The following BABAM2 variants were observed in gnomAD, a reference collection of about 807,000 sequenced individuals.
The protein encoded by BABAM2 is BRISC and BRCA1-A complex member 2.
In BABAM2, 31 loss-of-function variants were observed where a neutral mutation model predicts 54.7. That is an observed-to-expected ratio of 0.57 (90% CI 0.43 to 0.77). The LOEUF is 0.77. Ranked by LOEUF, BABAM2 falls within the 30% of genes least tolerant of loss-of-function variation. The probability of loss-of-function intolerance (pLI) is 0.00; values close to 1 mark genes in which losing one functional copy is unlikely to be tolerated. For missense variants in BABAM2, 364 were observed against 455.8 expected, an observed-to-expected ratio of 0.80 and a Z score of 1.83; for synonymous variants, 167 against 162.9, an observed-to-expected ratio of 1.03 and a Z score of -0.19.
At chr2:28,298,544 T>C in intron 11 of BABAM2, 53 bp downstream of exon 11, 1 of 1,605,192 alleles carries the variant, frequency 6.2e-7, no homozygotes, top group Non-Finnish European at 8.5e-7. Flanking sequence ...GTTTATCTAG[T>C]CCAGGGGTTG....
upstream of BABAM2, chr2:27,890,571 G>A (rs994972531): frequency 1.9e-5 from 10 of 518,788 alleles, no homozygotes; most frequent in Non-Finnish European, 3.1e-5. The surrounding 1 kb of genome is among the most constrained non-coding windows in gnomAD (Gnocchi z 4.8). Flanking sequence ...CTGATATGGC[G>A]AGACTCCGCG....
At chr2:27,921,281 C>T (rs1050565898) in intron 2 of BABAM2, among the ~76,000 whole-genome samples, 1 of 152,066 alleles carries the variant, frequency 6.6e-6, no homozygotes, top group Non-Finnish European at 1.5e-5. Flanking sequence ...ATTTTCTTTT[C>T]ATTAGAACGC....
At chr2:28,282,190 T>C (rs1413724265) in intron 10 of BABAM2, among the ~76,000 whole-genome samples, 1 of 152,128 alleles carries the variant, frequency 6.6e-6, no homozygotes, top group Non-Finnish European at 1.5e-5. Context: ...CCCGTAGATA[T>C]AACCGTAAGA....
chr2:28,137,149 A>ATTTT (rs1169085546), intron 7 of BABAM2, among the ~76,000 whole-genome samples: 28 of 152,240 alleles, frequency 1.8e-4, no homozygotes, highest in Non-Finnish European at 3.7e-4. Context: ...CTCAAAAAAG[A>ATTTT]GACCTTCCAG....
chr2:28,008,737 T>A (rs951376799), intron 4 of BABAM2, among the ~76,000 whole-genome samples: 2 of 152,080 alleles, frequency 1.3e-5, no homozygotes, highest in Non-Finnish European at 2.9e-5. Context: ...ACCAGTGACA[T>A]TAAATTGGGG....
chr2:28,042,605 T>G (rs1677193511), intron 5 of BABAM2, among the ~76,000 whole-genome samples: 1 of 151,508 alleles, frequency 6.6e-6, no homozygotes, highest in African/African-American at 2.4e-5. Flanking sequence ...TTTGGTGGAG[T>G]GGTGGTAGGG....
At chr2:27,915,496 A>G (rs889614655) in intron 2 of BABAM2, among the ~76,000 whole-genome samples, 2 of 126,574 alleles carry the variant, frequency 1.6e-5, no homozygotes, top group Non-Finnish European at 3.3e-5. Context: ...TAGAATTTAT[A>G]GTGTATAACA....
At position 28,055,524 on chromosome 2, in the gene BABAM2, T is replaced by G. The variant is rs1226194907; in HGVS notation, c.570+9725T>G. On this transcript the variant is annotated intron_variant, in intron 6 of 11. Transcript: ENST00000379624. Reference sequence around the variant, plus strand: ...TTATGTAGAATTCAAAACTTAAATTTTTACTTGCCTTAAGTTTCCAAATAT... The same window carrying G: ...TTATGTAGAATTCAAAACTTAAATTGTTACTTGCCTTAAGTTTCCAAATAT... Among the ~76,000 whole-genome samples the G allele has an allele frequency of 2.0e-5, 3 of 152,368 alleles. No individual in the cohort carries two copies. In the South Asian group the frequency reaches 6.2e-4, roughly 32 times the overall value.
chr2:28,094,660 A>G (rs187943252), intron 6 of BABAM2, among the ~76,000 whole-genome samples: 345 of 152,202 alleles, frequency 2.3e-3, no homozygotes, highest in African/African-American at 7.9e-3. Flanking sequence ...ATATACATTG[A>G]AAAAAATCTC....
rs553251440 is a variant in BABAM2, at chr2:28,291,359, G to A, written c.935-6979G>A. The stretch of plus-strand genomic sequence containing the variant: ...TATAATCCCAGCACTTTGGGAGGCC[G>A]AGGTGGATGGATCACCTGAGGTCAG... On this transcript the variant is annotated intron_variant, in intron 10 of 11. Transcript: ENST00000379624. Among the ~76,000 whole-genome samples the A allele has an allele frequency of 2.7e-4, 41 of 152,286 alleles. No individual in the cohort carries two copies. The South Asian group carries it at 7.0e-3, about 26-fold the overall frequency.
chr2:28,297,393 G>T (rs951803265), intron 10 of BABAM2, among the ~76,000 whole-genome samples: 1 of 152,100 alleles, frequency 6.6e-6, no homozygotes, highest in Non-Finnish European at 1.5e-5. Flanking sequence ...TTTTTATGCT[G>T]TTCCTATTCT....
chr2:28,093,453 G>C (rs1666332852), intron 6 of BABAM2, among the ~76,000 whole-genome samples: 1 of 152,102 alleles, frequency 6.6e-6, no homozygotes, highest in Non-Finnish European at 1.5e-5. Flanking sequence ...TCTTAGCTGA[G>C]ACACTTGCCT....
intron 7 of BABAM2, among the ~76,000 whole-genome samples, chr2:28,194,861 A>G (rs111404268): frequency 2.0e-5 from 3 of 151,958 alleles, no homozygotes; most frequent in African/African-American, 7.2e-5. Flanking sequence ...TTACTTGCCA[A>G]ATTTTTGCAG....
chr2:28,030,389 G>A (rs893359711), intron 5 of BABAM2, among the ~76,000 whole-genome samples: 4 of 152,116 alleles, frequency 2.6e-5, no homozygotes, highest in African/African-American at 9.7e-5. Flanking sequence ...CAATGGTTAT[G>A]GATTCAAGTG....
At chr2:28,331,121 G>C (rs1170387944) in intron 11 of BABAM2, among the ~76,000 whole-genome samples, 3 of 152,112 alleles carry the variant, frequency 2.0e-5, no homozygotes, top group Non-Finnish European at 4.4e-5. Flanking sequence ...CTAGCCATAC[G>C]CAGAAATTTG....
chr2:28,330,334 G>T (rs914142956), intron 11 of BABAM2, among the ~76,000 whole-genome samples: 3 of 152,224 alleles, frequency 2.0e-5, no homozygotes, highest in Non-Finnish European at 2.9e-5. Context: ...TCTGGCCAGA[G>T]AAATAAGGCA....
chr2:28,211,217 A>G (rs1558439400), intron 7 of BABAM2, among the ~76,000 whole-genome samples: 1 of 152,172 alleles, frequency 6.6e-6, no homozygotes. Flanking sequence ...CAAGAGATCA[A>G]CTGCTGTCTT....
chr2:28,237,100 G>A (rs1681983711), intron 7 of BABAM2, 102 bp from the exon 8 acceptor site: 2 of 845,616 alleles, frequency 2.4e-6, no homozygotes, highest in Admixed American at 3.9e-5. Flanking sequence ...TAGGCAGTTG[G>A]TGGCCAGACT....
intron 4 of BABAM2, chr2:28,013,410 T>C: frequency 2.2e-6 from 1 of 455,738 alleles, no homozygotes; most frequent in Non-Finnish European, 4.4e-6. Context: ...TTTTGAAAAG[T>C]TCAGACTTAA....
Sources: allele counts gnomAD v4.1 joint callset (sites outside exome capture counted in the v4.1 genomes callset), GRCh38; gene constraint gnomAD v4.1.1; non-coding constraint Gnocchi (gnomAD v3.1); transcripts MANE v1.5; gene names NCBI Gene and HGNC (gene_info 2026-07-23, HGNC 2026-07-21).